The following PTPRT variants were observed in gnomAD, a reference collection of about 807,000 sequenced individuals.
PTPRT encodes the protein protein tyrosine phosphatase receptor type T.
In PTPRT, 56 loss-of-function variants were observed where a neutral mutation model predicts 176.8. The ratio of observed to expected loss-of-function variants is 0.32; its 90% CI spans 0.26 to 0.40. The LOEUF is 0.40. PTPRT is among the 10% of genes least tolerant of loss of function. The probability of loss-of-function intolerance (pLI) is 1.00; values close to 1 mark genes in which losing one functional copy is unlikely to be tolerated. For synonymous variants in PTPRT, 783 were observed against 739.0 expected (o/e 1.06, Z -0.96); for missense variants, 1,540 against 1,908.2 (o/e 0.81, Z 3.60).
intron 7 of PTPRT, among the ~76,000 whole-genome samples, chr20:42,580,144 C>T (rs909125267): frequency 6.6e-6 from 1 of 152,172 alleles, no homozygotes; most frequent in Non-Finnish European, 1.5e-5. Context: ...TTCCCAGCAC[C>T]ATCTATTAAA....
chr20:43,110,962 T>G (rs554640797), intron 1 of PTPRT, among the ~76,000 whole-genome samples: 7 of 152,042 alleles, frequency 4.6e-5, no homozygotes, highest in African/African-American at 1.2e-4. Flanking sequence ...CCAATGTGGG[T>G]GGGGGGAGAG....
chr20:42,190,931 C>T (rs1303331550), intron 16 of PTPRT, among the ~76,000 whole-genome samples: 1 of 152,152 alleles, frequency 6.6e-6, no homozygotes, highest in African/African-American at 2.4e-5. Context: ...AAATTCCTTA[C>T]TATTTTAAAG....
At chr20:43,151,044 C>T (rs6030671) in intron 1 of PTPRT, among the ~76,000 whole-genome samples, 6,760 of 152,114 alleles carry the variant, frequency 0.044, 176 homozygotes, top group Non-Finnish European at 0.052. Flanking sequence ...TGGTGGCTCA[C>T]GCCTGTAATC....
intron 2 of PTPRT, among the ~76,000 whole-genome samples, chr20:42,831,357 T>C (rs765599217): frequency 1.4e-4 from 22 of 152,138 alleles, no homozygotes; most frequent in Admixed American, 1.4e-3. Context: ...CATTTCCTTA[T>C]ACCCTATACA....
At chr20:42,841,538 G>A (rs1600818588) in intron 2 of PTPRT, among the ~76,000 whole-genome samples, 1 of 150,692 alleles carries the variant, frequency 6.6e-6, no homozygotes, top group East Asian at 2.0e-4. Context: ...TCATACCATG[G>A]GAGACAAAGG....
chr20:42,229,013 T>C (rs1026307376), intron 15 of PTPRT, among the ~76,000 whole-genome samples: 1 of 152,154 alleles, frequency 6.6e-6, no homozygotes, highest in Non-Finnish European at 1.5e-5. Context: ...TAGAGAACAA[T>C]GACACTCCCT....
chr20:42,396,797 A>C (rs915663228), intron 9 of PTPRT, among the ~76,000 whole-genome samples: 1 of 152,152 alleles, frequency 6.6e-6, no homozygotes, highest in Non-Finnish European at 1.5e-5. Flanking sequence ...CCTCATGGTT[A>C]TCTGCCCACC....
chr20:42,421,264 G>GCA (rs374141174), intron 9 of PTPRT, among the ~76,000 whole-genome samples: 4 of 117,636 alleles, frequency 3.4e-5, no homozygotes, highest in South Asian at 3.0e-4. Context: ...ACGCACGCAC[G>GCA]CACACACACA....
chr20:42,261,466 C>T (rs1170419800), intron 13 of PTPRT, among the ~76,000 whole-genome samples: 1 of 149,806 alleles, frequency 6.7e-6, no homozygotes, highest in Admixed American at 6.6e-5. Flanking sequence ...TTTTGGGGAA[C>T]ACAATTCAAC....
At chr20:42,238,277 CAGA>C (rs1345012654) in intron 14 of PTPRT, among the ~76,000 whole-genome samples, 1 of 152,118 alleles carries the variant, frequency 6.6e-6, no homozygotes, top group African/African-American at 2.4e-5. Flanking sequence ...TAAGAAGCCA[CAGA>C]AGAAGGAAAG....
At chr20:42,348,391 T>TTTA (rs1167418005) in intron 11 of PTPRT, among the ~76,000 whole-genome samples, 19 of 151,488 alleles carry the variant, frequency 1.3e-4, no homozygotes, top group Admixed American at 4.6e-4. Context: ...TATTTATTTA[T>TTTA]TTATTTATTT....
At chr20:42,958,801 C>T (rs1199271154) in intron 1 of PTPRT, among the ~76,000 whole-genome samples, 1 of 152,142 alleles carries the variant, frequency 6.6e-6, no homozygotes, top group African/African-American at 2.4e-5. Context: ...CCCTTCACCC[C>T]TCGGCTGTTA....
chr20:43,031,476 C>T (rs1044893477), intron 1 of PTPRT, among the ~76,000 whole-genome samples: 1 of 152,168 alleles, frequency 6.6e-6, no homozygotes, highest in African/African-American at 2.4e-5. Flanking sequence ...GAACTGTAAG[C>T]AATACAATTG....
chr20:42,880,634 G>A (rs1024796058), intron 2 of PTPRT, among the ~76,000 whole-genome samples: 3 of 152,142 alleles, frequency 2.0e-5, no homozygotes, highest in African/African-American at 7.2e-5. Flanking sequence ...TGCCAAAGAT[G>A]GGGAAGGCAG....
chr20:43,158,921 A>C (rs530104904), intron 1 of PTPRT, among the ~76,000 whole-genome samples: 29 of 152,212 alleles, frequency 1.9e-4, no homozygotes, highest in Non-Finnish European at 2.6e-4. Context: ...ACAGCTTAGC[A>C]CAGCACCTGG....
intron 8 of PTPRT, among the ~76,000 whole-genome samples, chr20:42,456,029 T>C (rs2070917350): frequency 1.3e-5 from 2 of 152,098 alleles, no homozygotes. Flanking sequence ...TTTATAATAA[T>C]AGTTTTCTCA....
chr20:42,421,659 C>T (rs928346447), intron 9 of PTPRT, among the ~76,000 whole-genome samples: 2 of 152,020 alleles, frequency 1.3e-5, no homozygotes, highest in Admixed American at 6.6e-5. Context: ...AATGCTATCC[C>T]TATTAAAAGG....
At chr20:42,362,490 A>T (rs1407745346) in intron 9 of PTPRT, among the ~76,000 whole-genome samples, 3 of 152,138 alleles carry the variant, frequency 2.0e-5, no homozygotes, top group African/African-American at 4.8e-5. Context: ...ATAAAATATT[A>T]AAAAAATAAT....
chr20:43,167,117 A>C (rs956859100), intron 1 of PTPRT, among the ~76,000 whole-genome samples: 2 of 152,158 alleles, frequency 1.3e-5, no homozygotes, highest in Non-Finnish European at 2.9e-5. Context: ...AAAAGCCTTT[A>C]CTCTTGACAG....
Sources: gnomAD v4.1 joint callset for allele counts (sites outside exome capture counted in the v4.1 genomes callset) on GRCh38, gnomAD v4.1.1 for gene constraint, MANE v1.5 for transcripts, NCBI Gene and HGNC (gene_info 2026-07-23, HGNC 2026-07-21) for gene names.